Variants in SLC37A3 observed in about 807,000 individuals in gnomAD.
SLC37A3 encodes sugar phosphate exchanger 3.
A neutral mutation model predicts 67.1 loss-of-function variants in SLC37A3; 51 were observed. That is an observed-to-expected ratio of 0.76 (90% CI 0.61 to 0.96). The LOEUF is 0.96. SLC37A3 is among the 40% of genes least tolerant of loss of function. The pLI is 0.00. For missense variants in SLC37A3, 508 were observed against 603.0 expected (o/e 0.84, Z 1.65); for synonymous variants, 214 against 231.4 (o/e 0.92, Z 0.68).
At chr7:140,347,263 G>A (rs78820888) in intron 10 of SLC37A3, among the ~76,000 whole-genome samples, 3,371 of 137,790 alleles carry the variant, frequency 0.024, 117 homozygotes, top group African/African-American at 0.08. Context: ...AAAAAAAAAA[G>A]AAAAAAAAAA....
intron 2 of SLC37A3, among the ~76,000 whole-genome samples, chr7:140,380,733 A>AGCCT (rs894856177): frequency 5.9e-4 from 90 of 151,858 alleles, no homozygotes; most frequent in African/African-American, 2.1e-3. Flanking sequence ...TACTTAGGCT[A>AGCCT]CTCAGGCTAC....
intron 1 of SLC37A3, among the ~76,000 whole-genome samples, chr7:140,390,914 G>A (rs1485225159): frequency 6.6e-6 from 1 of 152,012 alleles, no homozygotes; most frequent in Non-Finnish European, 1.5e-5. Context: ...TACCAACTTA[G>A]AATCTACAGT....
chr7:140,371,875 G>A (rs1341659478), intron 3 of SLC37A3, among the ~76,000 whole-genome samples: 5 of 150,728 alleles, frequency 3.3e-5, no homozygotes, highest in East Asian at 1.9e-4. Context: ...TTTTGGAGAC[G>A]GAGTCTCGCT....
chr7:140,350,252 AC>A (rs1296460297), intron 9 of SLC37A3, among the ~76,000 whole-genome samples: 2 of 152,158 alleles, frequency 1.3e-5, no homozygotes, highest in Non-Finnish European at 2.9e-5. Context: ...TGCGTGACTC[AC>A]CCCAGGTGTC....
chr7:140,382,870 C>T (rs11761131), intron 1 of SLC37A3, among the ~76,000 whole-genome samples: 16,162 of 150,598 alleles, frequency 0.11, 1,108 homozygotes, highest in Admixed American at 0.23. Context: ...AAAAAATGAG[C>T]AAAGGAAATA....
At chr7:140,367,795 G>A (rs114028084) in intron 4 of SLC37A3, among the ~76,000 whole-genome samples, 3 of 149,072 alleles carry the variant, frequency 2.0e-5, no homozygotes, top group African/African-American at 7.4e-5. Context: ...CTCCCAGGGT[G>A]CTACCTCTCC....
At chr7:140,371,706 A>G (rs1797826840) in intron 3 of SLC37A3, among the ~76,000 whole-genome samples, 2 of 152,224 alleles carry the variant, frequency 1.3e-5, no homozygotes, top group Admixed American at 6.5e-5. Context: ...TGAGCAGGAT[A>G]TATGAAACCA....
chr7:140,357,176 T>C (rs1289713832), intron 6 of SLC37A3, among the ~76,000 whole-genome samples: 1 of 151,944 alleles, frequency 6.6e-6, no homozygotes, highest in Non-Finnish European at 1.5e-5. Context: ...ATCACGCCAT[T>C]GCACTCCAGC....
Position 140,364,570 on chromosome 7 carries a change from A to G in SLC37A3, c.292-79T>C, listed in dbSNP as rs186999717. Reference sequence around the variant, plus strand: ...AGTAACATGCACTGCAAAGCAAATGAGACAAACACAGATATTATTTAAAAT... The same window carrying G: ...AGTAACATGCACTGCAAAGCAAATGGGACAAACACAGATATTATTTAAAAT... On this transcript the variant is annotated intron_variant, in intron 4 of 14. Transcript: ENST00000326232. 1.2e-4 allele frequency: 143 copies of G among 1,243,314 alleles called. No individual in the cohort carries two copies. The African/African-American group carries it at 2.1e-3, about 18-fold the overall frequency. 77.0% of individuals were successfully genotyped at this position (1,243,314 alleles called of 1,614,324 possible).
intron 4 of SLC37A3, among the ~76,000 whole-genome samples, chr7:140,366,140 G>C (rs911139922): frequency 4.6e-5 from 7 of 151,696 alleles, no homozygotes; most frequent in African/African-American, 1.5e-4. Context: ...GTTTGGTCTT[G>C]AAGTATTGGC....
chr7:140,390,321 C>G (rs1158393034), intron 1 of SLC37A3, among the ~76,000 whole-genome samples: 1 of 152,028 alleles, frequency 6.6e-6, no homozygotes, highest in Non-Finnish European at 1.5e-5. Flanking sequence ...TAGCAAGCCT[C>G]GTATCTTTCC....
chr7:140,348,598 T>C, intron 10 of SLC37A3, 28 bp downstream of exon 10: 1 of 1,583,678 alleles, frequency 6.3e-7, no homozygotes, highest in Non-Finnish European at 8.5e-7. Flanking sequence ...TAACTCTTTA[T>C]TATGGAAAAG....
chr7:140,363,001 G>A (rs1350720778), intron 5 of SLC37A3, among the ~76,000 whole-genome samples: 1 of 91,954 alleles, frequency 1.1e-5, no homozygotes, highest in African/African-American at 4.0e-5. Flanking sequence ...GGGCGCCTCT[G>A]CCCGGCCGCC....
chr7:140,393,454 CT>C (rs1254891719), intron 1 of SLC37A3, among the ~76,000 whole-genome samples: 1 of 152,168 alleles, frequency 6.6e-6, no homozygotes, highest in Non-Finnish European at 1.5e-5. Context: ...TGTCTCCTTT[CT>C]ACTGTGCCCA....
chr7:140,391,664 G>A (rs905764734), intron 1 of SLC37A3, among the ~76,000 whole-genome samples: 2 of 152,186 alleles, frequency 1.3e-5, no homozygotes, highest in Admixed American at 6.5e-5. Flanking sequence ...GGTGGGATCA[G>A]GGGAAACTAA....
chr7:140,370,149 G>GGTT (rs1554429664), intron 3 of SLC37A3, among the ~76,000 whole-genome samples: 2 of 149,206 alleles, frequency 1.3e-5, no homozygotes, highest in East Asian at 3.9e-4. Context: ...GAAATAACTA[G>GGTT]TTTTTTTTTT....
intron 6 of SLC37A3, 43 bp from the exon 7 acceptor site, chr7:140,355,807 G>A (rs763600908): frequency 1.3e-6 from 2 of 1,540,954 alleles, no homozygotes; most frequent in Non-Finnish European, 1.8e-6. Context: ...ATGGTCAGAA[G>A]AGATACTCTG....
Position 140,374,608 on chromosome 7 carries a change from G to A in SLC37A3, c.199-4926C>T, listed in dbSNP as rs114210339. ...AGGCCCAGGCAGGACGATCCCTTGA[G>A]GGCAGGAGGATCCCTTGAGACCAGG... is the stretch of plus-strand genomic sequence containing the variant. On this transcript the variant is annotated intron_variant, in intron 3 of 14. Coordinates refer to ENST00000326232, the MANE Select transcript of SLC37A3 (RefSeq NM_207113.3). Among the ~76,000 whole-genome samples, 1,333 of 152,180 alleles carry A rather than the reference G, an allele frequency of 8.8e-3. 19 individuals carry two copies. Among genetic ancestry groups the A allele is most frequent in the African/African-American group, 0.03 (1,249 of 41,510 alleles).
intron 9 of SLC37A3, among the ~76,000 whole-genome samples, chr7:140,350,252 A>G (rs1195516098): frequency 6.6e-6 from 1 of 152,158 alleles, no homozygotes; most frequent in Non-Finnish European, 1.5e-5. Context: ...TGCGTGACTC[A>G]CCCCAGGTGT....
Sources: gnomAD v4.1 joint callset for allele counts (sites outside exome capture counted in the v4.1 genomes callset) on GRCh38, gnomAD v4.1.1 for gene constraint, MANE v1.5 for transcripts, NCBI Gene and HGNC (gene_info 2026-07-23, HGNC 2026-07-21) for gene names.